Variants in CPNE8 observed in about 807,000 individuals in gnomAD.
The protein encoded by CPNE8 is copine-8.
In CPNE8, 45 loss-of-function variants were observed where a neutral mutation model predicts 81.5. The observed-to-expected ratio is 0.55, with a 90% CI of 0.44 to 0.71. The LOEUF (loss-of-function observed/expected upper bound fraction) is 0.71. Among genes scored for constraint, CPNE8 ranks in the 30% least tolerant of loss-of-function variants. The pLI, the probability that CPNE8 is intolerant of heterozygous loss-of-function variation, is 0.00. For synonymous variants in CPNE8, 252 were observed against 226.3 expected (o/e 1.11, Z -1.02); for missense variants, 594 against 672.1 (o/e 0.88, Z 1.28).
chr12:38,728,266 G>A (rs1421374166), intron 11 of CPNE8, among the ~76,000 whole-genome samples: 1 of 151,914 alleles, frequency 6.6e-6, no homozygotes, highest in African/African-American at 2.4e-5. Context: ...TGCAGATATG[G>A]GATTTATTAA....
chr12:38,681,896 G>A (rs1939415952), intron 16 of CPNE8, among the ~76,000 whole-genome samples: 1 of 152,150 alleles, frequency 6.6e-6, no homozygotes, highest in African/African-American at 2.4e-5. Flanking sequence ...ATTTCCATAG[G>A]TCATTAAGAT....
chr12:38,847,325 G>C (rs74698304), intron 4 of CPNE8, among the ~76,000 whole-genome samples: 3,356 of 152,216 alleles, frequency 0.022, 124 homozygotes, highest in African/African-American at 0.076. Context: ...GAAAAATTAA[G>C]AGTCCCATGC....
chr12:38,695,798 G>A (rs1482829952), intron 14 of CPNE8, among the ~76,000 whole-genome samples: 1 of 152,100 alleles, frequency 6.6e-6, no homozygotes, highest in African/African-American at 2.4e-5. Context: ...AATCAGCTGG[G>A]TGTGGTGGCA....
chr12:38,730,244 T>C (rs753129241), intron 11 of CPNE8, 39 bp downstream of exon 11: 2 of 1,211,168 alleles, frequency 1.7e-6, no homozygotes, highest in Non-Finnish European at 2.4e-6. Context: ...GATTTATTTA[T>C]TCTAGAAAAA....
intron 1 of CPNE8, among the ~76,000 whole-genome samples, chr12:38,884,135 T>G (rs1164225079): frequency 6.6e-6 from 1 of 152,148 alleles, no homozygotes; most frequent in Non-Finnish European, 1.5e-5. Context: ...TATCTAATTT[T>G]AGAATATTTT....
chr12:38,839,249 C>T (rs948703179), intron 5 of CPNE8, among the ~76,000 whole-genome samples: 2 of 151,870 alleles, frequency 1.3e-5, no homozygotes, highest in African/African-American at 4.8e-5. Flanking sequence ...ATCTCACTCT[C>T]ATTCCTCCCT....
intron 6 of CPNE8, among the ~76,000 whole-genome samples, chr12:38,799,022 A>G (rs571803774): frequency 1.3e-5 from 2 of 152,308 alleles, no homozygotes; most frequent in South Asian, 4.1e-4. Flanking sequence ...ATATTCACCC[A>G]ATACAGGAGC....
intron 6 of CPNE8, among the ~76,000 whole-genome samples, chr12:38,780,596 C>A (rs1389394283): frequency 1.3e-5 from 2 of 151,896 alleles, no homozygotes; most frequent in Non-Finnish European, 2.9e-5. Context: ...CCAGAGGAAC[C>A]AGACAGAAAA....
chr12:38,829,720 A>G (rs559077671), intron 5 of CPNE8, among the ~76,000 whole-genome samples: 2 of 152,356 alleles, frequency 1.3e-5, no homozygotes, highest in Non-Finnish European at 2.9e-5. Context: ...TTAAGTTACA[A>G]TACAAAATAG....
At chr12:38,867,438 T>C (rs539028702) in intron 3 of CPNE8, among the ~76,000 whole-genome samples, 1 of 151,712 alleles carries the variant, frequency 6.6e-6, no homozygotes, top group Admixed American at 6.6e-5. Context: ...TTAAAATAGC[T>C]CAGTGTCAAT....
At chr12:38,687,278 G>A (rs1342625408) in intron 15 of CPNE8, among the ~76,000 whole-genome samples, 19 of 151,410 alleles carry the variant, frequency 1.3e-4, no homozygotes, top group Non-Finnish European at 2.4e-4. Flanking sequence ...CACACAACAC[G>A]AAGAGGAGAG....
chr12:38,903,113 A>C (rs1944513318), intron 1 of CPNE8, among the ~76,000 whole-genome samples: 2 of 152,228 alleles, frequency 1.3e-5, no homozygotes, highest in African/African-American at 2.4e-5. Flanking sequence ...TGTATTAAAA[A>C]TAAATTTAAC....
At chr12:38,785,545 G>C (rs1942164846) in intron 6 of CPNE8, among the ~76,000 whole-genome samples, 1 of 152,038 alleles carries the variant, frequency 6.6e-6, no homozygotes. Flanking sequence ...TTTTATAAAG[G>C]GGAGTTCCCC....
At chr12:38,828,375 T>C (rs1237058708) in intron 6 of CPNE8, among the ~76,000 whole-genome samples, 2 of 152,166 alleles carry the variant, frequency 1.3e-5, no homozygotes, top group Admixed American at 6.5e-5. Context: ...AGCTGATATA[T>C]GAAAGTTTTC....
At chr12:38,761,741 T>A (rs1941575669) in intron 9 of CPNE8, among the ~76,000 whole-genome samples, 1 of 152,138 alleles carries the variant, frequency 6.6e-6, no homozygotes, top group Non-Finnish European at 1.5e-5. Context: ...AACATTAAAA[T>A]CTCCTGTGCT....
intron 6 of CPNE8, among the ~76,000 whole-genome samples, chr12:38,815,001 C>T (rs767017067): frequency 2.0e-5 from 3 of 152,168 alleles, no homozygotes; most frequent in Non-Finnish European, 4.4e-5. Context: ...GCTTTGGTCA[C>T]ACATTTCATT....
intron 14 of CPNE8, among the ~76,000 whole-genome samples, chr12:38,697,151 C>T (rs1383811786): frequency 6.6e-6 from 1 of 152,184 alleles, no homozygotes; most frequent in East Asian, 1.9e-4. Flanking sequence ...ATTTTTATCA[C>T]TTCAAAAAGA....
chr12:38,781,508 A>G (rs561700258), intron 6 of CPNE8, among the ~76,000 whole-genome samples: 2 of 152,218 alleles, frequency 1.3e-5, no homozygotes, highest in African/African-American at 4.8e-5. Context: ...AATAGCATAC[A>G]TACAGATTTT....
At chr12:38,698,411 T>A (rs1939849262) in intron 14 of CPNE8, among the ~76,000 whole-genome samples, 1 of 152,210 alleles carries the variant, frequency 6.6e-6, no homozygotes, top group African/African-American at 2.4e-5. Flanking sequence ...GATTTTGAAG[T>A]TCATTTTACC....
Sources: allele counts gnomAD v4.1 joint callset (sites outside exome capture counted in the v4.1 genomes callset), GRCh38; gene constraint gnomAD v4.1.1; transcripts MANE v1.5; gene names NCBI Gene and HGNC (gene_info 2026-07-23, HGNC 2026-07-21).